The following TJAP1 variants were observed in gnomAD, a reference collection of about 807,000 sequenced individuals.
The protein encoded by TJAP1 is tight junction associated protein 1, also known as tight junction-associated protein 1.
TJAP1 carries 27 observed loss-of-function variants against 42.0 expected under a neutral mutation model. The observed-to-expected ratio is 0.64, with a 90% CI of 0.47 to 0.89. The LOEUF (loss-of-function observed/expected upper bound fraction) is 0.89. TJAP1 is among the 40% of genes least tolerant of loss of function. The probability of loss-of-function intolerance (pLI) is 0.00; values close to 1 mark genes in which losing one functional copy is unlikely to be tolerated. For synonymous variants in TJAP1, 257 were observed against 288.4 expected, an observed-to-expected ratio of 0.89 and a Z score of 1.10; for missense variants, 712 against 726.9, an observed-to-expected ratio of 0.98 and a Z score of 0.24.
At chr6:43,485,865 T>A (rs1406395491) in intron 2 of TJAP1, among the ~76,000 whole-genome samples, 1 of 152,168 alleles carries the variant, frequency 6.6e-6, no homozygotes, top group East Asian at 1.9e-4. Context: ...AAGGTGATAG[T>A]GTTAACAATA....
At chr6:43,503,960 AG>A (rs1791609862) in intron 10 of TJAP1, 1 of 682,714 alleles carries the variant, frequency 1.5e-6, no homozygotes, top group African/African-American at 1.8e-5. Flanking sequence ...GATCCTGGGC[AG>A]GAAGGAGAGG....
intron 4 of TJAP1, among the ~76,000 whole-genome samples, chr6:43,499,685 A>G (rs143922547): frequency 3.3e-5 from 5 of 152,364 alleles, no homozygotes; most frequent in African/African-American, 9.6e-5. Context: ...CTTCACTCAC[A>G]GGCAGAAACG....
intron 2 of TJAP1, chr6:43,478,523 C>A (rs1255496263): frequency 6.6e-6 from 1 of 152,256 alleles, no homozygotes; most frequent in African/African-American, 2.4e-5. Context: ...CAGTTTCCTA[C>A]ATGCTCATTG....
chr6:43,481,117 T>A (rs115920996), intron 2 of TJAP1, among the ~76,000 whole-genome samples: 2,780 of 152,246 alleles, frequency 0.018, 34 homozygotes, highest in South Asian at 0.039. Context: ...TGTAGTAGAA[T>A]TTTTTTTGAT....
chr6:43,500,532 T>G, intron 4 of TJAP1: 1 of 580,082 alleles, frequency 1.7e-6, no homozygotes, highest in Admixed American at 3.0e-5. Context: ...TTGGAAGAGG[T>G]TCTTGAATCT....
chr6:43,479,103 G>C (rs926409065), intron 2 of TJAP1, among the ~76,000 whole-genome samples: 1 of 152,218 alleles, frequency 6.6e-6, no homozygotes, highest in African/African-American at 2.4e-5. Context: ...AAAGGAAAGG[G>C]ACTGGAGCCA....
chr6:43,500,053 A>C (rs1790165228), intron 4 of TJAP1, among the ~76,000 whole-genome samples: 1 of 152,226 alleles, frequency 6.6e-6, no homozygotes, highest in Non-Finnish European at 1.5e-5. Context: ...TTTCTGCCAG[A>C]GGCTGCTCTT....
intron 8 of TJAP1, chr6:43,503,185 A>G (rs1791369809): frequency 5.2e-6 from 3 of 580,366 alleles, no homozygotes; most frequent in South Asian, 2.0e-5. Context: ...CCCAGGTGGC[A>G]GGAAGTCATG....
intron 2 of TJAP1, among the ~76,000 whole-genome samples, chr6:43,483,274 C>T (rs1785694995): frequency 6.6e-6 from 1 of 152,262 alleles, no homozygotes; most frequent in Non-Finnish European, 1.5e-5. Flanking sequence ...TATTCCACCT[C>T]ATCTGTCCTG....
At chr6:43,489,131 C>G (rs1787236417) in intron 2 of TJAP1, among the ~76,000 whole-genome samples, 1 of 152,224 alleles carries the variant, frequency 6.6e-6, no homozygotes, top group Non-Finnish European at 1.5e-5. Flanking sequence ...GGGGACACAT[C>G]TTGTGGGGTC....
rs1187600481 is a variant in TJAP1, at chr6:43,505,243, C to T, written c.1062C>T (p.Thr354=). 1.2e-6 allele frequency: 2 copies of T among 1,613,952 alleles called. No individual in the cohort carries two copies. Among genetic ancestry groups the T allele is most frequent in the Non-Finnish European group, 1.7e-6 (2 of 1,179,994 alleles). ...CCCTGCCCAACTGCACTTACGCTAC[C>T]CGCCAGGCCATTTCCCTGAGCCTGG... The change falls in exon 11 of 11, where the codon ACC becomes ACT. Residue 354 remains threonine (T), a synonymous_variant. Coordinates refer to ENST00000372449, the Ensembl canonical transcript of TJAP1. The surrounding 1 kb of genome is among the most constrained non-coding windows in gnomAD (Gnocchi z 5.5).
Position 43,505,947 on chromosome 6 carries a change from C to T in TJAP1, c.*92C>T, listed in dbSNP as rs1792288652. ...CAGGGTCCCCAGTCCAAGCCCTTGA[C>T]CTCTCCTCTATCCAGACCCGCACAG... is the stretch of plus-strand genomic sequence containing the variant. On this transcript the variant is annotated 3_prime_UTR_variant, in exon 11 of 11. Coordinates refer to ENST00000372449, the Ensembl canonical transcript of TJAP1. The surrounding 1 kb of genome is among the most constrained non-coding windows in gnomAD (Gnocchi z 5.5). 2.2e-6 allele frequency: 3 copies of T among 1,352,332 alleles called. No homozygotes were observed. Among genetic ancestry groups the T allele is most frequent in the Admixed American group, 3.0e-5 (1 of 33,352 alleles). 83.8% of individuals were successfully genotyped at this position (1,352,332 alleles called of 1,614,324 possible). A position where few individuals can be genotyped will look rare whatever the true frequency, so the allele number is the denominator to read the frequency against.
chr6:43,484,917 G>A (rs763703511), intron 2 of TJAP1, among the ~76,000 whole-genome samples: 13 of 152,262 alleles, frequency 8.5e-5, no homozygotes, highest in East Asian at 3.9e-4. Context: ...TAGTGGAGGC[G>A]GGGTTTTACC....
chr6:43,488,567 A>C (rs767665173), intron 2 of TJAP1, among the ~76,000 whole-genome samples: 8 of 152,190 alleles, frequency 5.3e-5, no homozygotes, highest in Non-Finnish European at 1.2e-4. Flanking sequence ...AAAAGAGAAA[A>C]ATTATCTGAT....
chr6:43,503,861 C>G (rs1322068088), intron 10 of TJAP1, 155 bp downstream of exon 10: 1 of 743,300 alleles, frequency 1.3e-6, no homozygotes, highest in Non-Finnish European at 2.4e-6. Context: ...AACTCTGCCA[C>G]TGGTTGGTGT....
At chr6:43,480,206 A>G (rs749945921) in intron 2 of TJAP1, among the ~76,000 whole-genome samples, 2 of 152,250 alleles carry the variant, frequency 1.3e-5, no homozygotes, top group Non-Finnish European at 2.9e-5. Flanking sequence ...CTCAGCACTA[A>G]TTTCTGTTTC....
At chr6:43,487,418 T>C (rs1472186173) in intron 2 of TJAP1, among the ~76,000 whole-genome samples, 1 of 152,180 alleles carries the variant, frequency 6.6e-6, no homozygotes, top group Non-Finnish European at 1.5e-5. Flanking sequence ...AGGGTCTTGA[T>C]ATTAGGGCAG....
exon 11 of TJAP1, chr6:43,506,164 G>A: frequency 3.4e-6 from 1 of 293,906 alleles, no homozygotes; most frequent in Non-Finnish European, 6.3e-6. Flanking sequence ...CTTTTCTGGG[G>A]AGCTGAGGAG....
intron 10 of TJAP1, chr6:43,504,416 A>G (rs1326813330): frequency 1.0e-5 from 3 of 287,400 alleles, no homozygotes; most frequent in Non-Finnish European, 2.0e-5. Flanking sequence ...TGCCCGGCCC[A>G]GAAGTAGAGG....
Sources: allele counts gnomAD v4.1 joint callset (sites outside exome capture counted in the v4.1 genomes callset), GRCh38; gene constraint gnomAD v4.1.1; non-coding constraint Gnocchi (gnomAD v3.1); transcripts MANE v1.5; gene names NCBI Gene and HGNC (gene_info 2026-07-23, HGNC 2026-07-21).